The following HS6ST3 variants were observed in gnomAD, a reference collection of about 807,000 sequenced individuals.
The protein encoded by HS6ST3 is heparan sulfate 6-O-sulfotransferase 3.
In HS6ST3, 12 loss-of-function variants were observed where a neutral mutation model predicts 36.7. The ratio of observed to expected loss-of-function variants is 0.33; its 90% CI spans 0.21 to 0.53. The LOEUF (loss-of-function observed/expected upper bound fraction) is 0.53. Among genes scored for constraint, HS6ST3 ranks in the 20% least tolerant of loss-of-function variants. The pLI, the probability that HS6ST3 is intolerant of heterozygous loss-of-function variation, is 0.95. For missense variants in HS6ST3, 584 were observed against 640.9 expected (o/e 0.91, Z 0.96); for synonymous variants, 240 against 257.5 (o/e 0.93, Z 0.65).
At chr13:96,133,243 G>A (rs1375153552) in intron 1 of HS6ST3, among the ~76,000 whole-genome samples, 3 of 151,872 alleles carry the variant, frequency 2.0e-5, no homozygotes, top group African/African-American at 4.8e-5. Flanking sequence ...ATTCTCCTGC[G>A]TCAGCCTCCG....
chr13:96,697,496 T>A (rs1875160881), intron 1 of HS6ST3, among the ~76,000 whole-genome samples: 1 of 152,016 alleles, frequency 6.6e-6, no homozygotes, highest in African/African-American at 2.4e-5. Flanking sequence ...AATTAAAAAT[T>A]TCTATGAAGT....
chr13:96,347,896 T>C lies in HS6ST3; in HGVS notation c.707+256327T>C, dbSNP rs1157185536. 3.3e-5 allele frequency among the ~76,000 whole-genome samples: 5 copies of C among 152,188 alleles called. No individual in the cohort carries two copies. The South Asian group carries it at 8.3e-4, about 25-fold the overall frequency. On this transcript the variant is annotated intron_variant, in intron 1 of 1. Transcript: ENST00000376705. ...ATTCCAGAGCACTTCTACTGTAGAG[T>C]TGTTGTTTAATTCTTGACATTTCCC... is the stretch of plus-strand genomic sequence containing the variant.
chr13:96,619,589 A>G (rs1275148354), intron 1 of HS6ST3, among the ~76,000 whole-genome samples: 2 of 152,204 alleles, frequency 1.3e-5, no homozygotes, highest in Non-Finnish European at 2.9e-5. Context: ...TATGTAGTGT[A>G]TTTATGATTG....
At position 96,276,831 on chromosome 13, in the gene HS6ST3, A is replaced by G. The variant is rs144722749; in HGVS notation, c.707+185262A>G. Among the ~76,000 whole-genome samples, 659 of 152,308 alleles carry G rather than the reference A, an allele frequency of 4.3e-3. 23 individuals are homozygous for G. Among genetic ancestry groups the G allele is most frequent in the Admixed American group, 0.038 (583 of 15,290 alleles). ...CACAGATTCTGGCTTTAGGTTTACC[A>G]TAAGGCTCAGGAACCTGCATTTTGA... On this transcript the variant is annotated intron_variant, in intron 1 of 1. Transcript: ENST00000376705.
At chr13:96,710,366 A>T (rs143185738) in intron 1 of HS6ST3, among the ~76,000 whole-genome samples, 1 of 152,354 alleles carries the variant, frequency 6.6e-6, no homozygotes, top group African/African-American at 2.4e-5. Flanking sequence ...GTGCTGGGTC[A>T]TGCCTGCATC....
At chr13:96,762,046 T>C (rs1359741485) in intron 1 of HS6ST3, among the ~76,000 whole-genome samples, 1 of 151,968 alleles carries the variant, frequency 6.6e-6, no homozygotes, top group Non-Finnish European at 1.5e-5. Flanking sequence ...TAAGTTATTT[T>C]TATGTTTTTA....
intron 1 of HS6ST3, among the ~76,000 whole-genome samples, chr13:96,428,092 T>G (rs947168112): frequency 6.6e-5 from 10 of 152,308 alleles, no homozygotes; most frequent in Admixed American, 5.9e-4. Context: ...TTGATAAGGC[T>G]GCCATAGAAA....
chr13:96,552,516 A>G (rs2056223255), intron 1 of HS6ST3, among the ~76,000 whole-genome samples: 1 of 152,132 alleles, frequency 6.6e-6, no homozygotes, highest in African/African-American at 2.4e-5. Flanking sequence ...CCTAATTGAG[A>G]GTTTCCCTCC....
At chr13:96,740,440 G>A (rs1414328542) in intron 1 of HS6ST3, among the ~76,000 whole-genome samples, 2 of 152,138 alleles carry the variant, frequency 1.3e-5, no homozygotes, top group Non-Finnish European at 2.9e-5. Context: ...TTGTATGCTT[G>A]TGTTATATAT....
intron 1 of HS6ST3, among the ~76,000 whole-genome samples, chr13:96,439,276 G>A (rs1351168434): frequency 1.3e-5 from 2 of 152,084 alleles, no homozygotes; most frequent in African/African-American, 4.8e-5. Flanking sequence ...ATTGAAAGCT[G>A]TTAAGATCCA....
intron 1 of HS6ST3, among the ~76,000 whole-genome samples, chr13:96,658,864 C>A (rs1178165711): frequency 2.0e-5 from 3 of 152,042 alleles, no homozygotes; most frequent in South Asian, 2.1e-4. Flanking sequence ...CACCACCACA[C>A]CCAGCTAATT....
At chr13:96,790,270 T>TACACACACACACACAC (rs56867063) in intron 1 of HS6ST3, among the ~76,000 whole-genome samples, 5 of 144,342 alleles carry the variant, frequency 3.5e-5, no homozygotes, top group South Asian at 2.3e-4. Context: ...AACACACATG[T>TACACACACACACACAC]ACACACACAC....
chr13:96,580,145 T>A (rs2056336383), intron 1 of HS6ST3, among the ~76,000 whole-genome samples: 1 of 150,456 alleles, frequency 6.6e-6, no homozygotes, highest in Non-Finnish European at 1.5e-5. Flanking sequence ...AGGAATATTT[T>A]TTTTCTTATT....
At chr13:96,429,935 TA>T (rs2055606703) in intron 1 of HS6ST3, among the ~76,000 whole-genome samples, 1 of 152,220 alleles carries the variant, frequency 6.6e-6, no homozygotes, top group Non-Finnish European at 1.5e-5. Context: ...TTTTCTATTG[TA>T]GATTTAAACC....
At chr13:96,479,712 A>G (rs1163320860) in intron 1 of HS6ST3, among the ~76,000 whole-genome samples, 1 of 152,224 alleles carries the variant, frequency 6.6e-6, no homozygotes, top group Non-Finnish European at 1.5e-5. Flanking sequence ...ACACTGCTAT[A>G]AAAACATGAC....
chr13:96,458,718 A>G (rs1260314757), intron 1 of HS6ST3, among the ~76,000 whole-genome samples: 4 of 151,692 alleles, frequency 2.6e-5, no homozygotes, highest in Admixed American at 6.6e-5. Flanking sequence ...TTTTTGCTAT[A>G]TGTTTTCTGA....
chr13:96,252,496 G>T (rs756011282), intron 1 of HS6ST3, among the ~76,000 whole-genome samples: 32 of 152,142 alleles, frequency 2.1e-4, no homozygotes, highest in Non-Finnish European at 3.5e-4. Flanking sequence ...TTTGCAGTCA[G>T]GTCTTGTGCT....
intron 1 of HS6ST3, among the ~76,000 whole-genome samples, chr13:96,112,578 A>AATATATATATATATAT (rs59107741): frequency 3.7e-4 from 30 of 81,188 alleles, no homozygotes; most frequent in Non-Finnish European, 5.4e-4. Flanking sequence ...AAAATAAATA[A>AATATATATATATATAT]ATATATATAT....
intron 1 of HS6ST3, among the ~76,000 whole-genome samples, chr13:96,516,811 C>A (rs181352687): frequency 6.6e-5 from 10 of 152,148 alleles, no homozygotes; most frequent in Admixed American, 6.5e-4. Flanking sequence ...AACAAACGAC[C>A]CCAAAGTCTA....
Sources: allele counts gnomAD v4.1 joint callset (sites outside exome capture counted in the v4.1 genomes callset), GRCh38; gene constraint gnomAD v4.1.1; transcripts MANE v1.5; gene names NCBI Gene and HGNC (gene_info 2026-07-23, HGNC 2026-07-21).